TUBB8: variants seen among roughly 807,000 people sequenced by gnomAD.
TUBB8 encodes the protein tubulin beta 8 class VIII, also known as tubulin beta-8 chain.
A neutral mutation model predicts 33.7 loss-of-function variants in TUBB8; 25 were observed. The observed-to-expected ratio is 0.74, with a 90% CI of 0.54 to 1.04. The LOEUF (loss-of-function observed/expected upper bound fraction) is 1.04. Among genes scored for constraint, TUBB8 ranks in the 50% least tolerant of loss-of-function variants. The pLI is 0.00. For synonymous variants in TUBB8, 245 were observed against 240.1 expected (o/e 1.02, Z -0.19); for missense variants, 279 against 608.0 (o/e 0.46, Z 5.69).
chr10:69,509 G>A (rs775473192), intron 1 of TUBB8, among the ~76,000 whole-genome samples: 5 of 152,190 alleles, frequency 3.3e-5, no homozygotes, highest in African/African-American at 7.2e-5. Flanking sequence ...CCCGCAATTT[G>A]TAGATCAAGG....
intron 1 of TUBB8, among the ~76,000 whole-genome samples, chr10:71,008 C>T (rs1342738509): frequency 6.6e-6 from 1 of 151,892 alleles, no homozygotes; most frequent in African/African-American, 2.4e-5. Context: ...CTTAGAGATC[C>T]CCATCAAAAA....
chr10:65,990 G>C (rs1195145225), intron 1 of TUBB8, among the ~76,000 whole-genome samples: 1 of 152,128 alleles, frequency 6.6e-6, no homozygotes, highest in Admixed American at 6.5e-5. Context: ...AACAAACCAG[G>C]GATAGGAATT....
In TUBB8 at chr10:48,260, G is replaced by A. The variant is rs1195497007; in HGVS notation, c.278-146C>T. ...GGAGCAGATGAAACCCCCTCCCCCAGAGTTACAGGACAGCAGCTTCCCCTG... is the reference window on the plus strand; with the variant it reads ...GGAGCAGATGAAACCCCCTCCCCCAAAGTTACAGGACAGCAGCTTCCCCTG... On this transcript the variant is annotated intron_variant, in intron 3 of 3. Transcript: ENST00000568584. 6.3e-6 allele frequency: 6 copies of A among 955,214 alleles called. No homozygotes were observed. The East Asian group carries it at 1.3e-4, about 21-fold the overall frequency. The allele number at this position is 955,214 out of a possible 1,614,324, so 59.2% of individuals were successfully genotyped here. A position where few individuals can be genotyped will look rare whatever the true frequency, so the allele number is the denominator to read the frequency against.
chr10:56,562 G>A (rs138884061), intron 1 of TUBB8, among the ~76,000 whole-genome samples: 8 of 152,104 alleles, frequency 5.3e-5, no homozygotes, highest in East Asian at 1.9e-4. Context: ...TGCACATCAC[G>A]TGGTAAGTGC....
chr10:50,421 G>A (rs1232911684), upstream of TUBB8, among the ~76,000 whole-genome samples: 1 of 152,108 alleles, frequency 6.6e-6, no homozygotes, highest in African/African-American at 2.4e-5. Context: ...AGGGTATTCT[G>A]GCCCAGTTCT....
chr10:49,304 C>G, upstream of TUBB8: 2 of 1,514,404 alleles, frequency 1.3e-6, no homozygotes, highest in Non-Finnish European at 1.8e-6. Flanking sequence ...AGCGACCCAG[C>G]CCGCCCTCCG....
upstream of TUBB8, among the ~76,000 whole-genome samples, chr10:75,282 G>T (rs1405387666): frequency 6.6e-6 from 1 of 152,064 alleles, no homozygotes; most frequent in African/African-American, 2.4e-5. Context: ...CCAGGACACC[G>T]AGGCTGCAGT....
intron 1 of TUBB8, among the ~76,000 whole-genome samples, chr10:59,999 A>T (rs1554740662): frequency 6.6e-6 from 1 of 152,004 alleles, no homozygotes; most frequent in East Asian, 1.9e-4. Flanking sequence ...GATTTTATTA[A>T]TTTGTATCTT....
intron 1 of TUBB8, among the ~76,000 whole-genome samples, chr10:65,193 T>C (rs1488455867): frequency 6.6e-6 from 1 of 152,200 alleles, no homozygotes; most frequent in Admixed American, 6.5e-5. Context: ...ACAGGCACTC[T>C]CTTGCTAACC....
At chr10:72,865 A>AAC (rs1554742538) in intron 1 of TUBB8, among the ~76,000 whole-genome samples, 9 of 146,930 alleles carry the variant, frequency 6.1e-5, no homozygotes, top group Non-Finnish European at 1.0e-4. Context: ...AAAAAAAAAA[A>AAC]AAAAGCAAAA....
At chr10:48,427 T>G in intron 3 of TUBB8, 188 bp downstream of exon 3, 2 of 669,862 alleles carry the variant, frequency 3.0e-6, no homozygotes, top group Non-Finnish European at 2.7e-6. Context: ...CTCCTCACCT[T>G]GAGGAGACAC....
upstream of TUBB8, among the ~76,000 whole-genome samples, chr10:50,866 T>C (rs1834458877): frequency 6.6e-6 from 1 of 152,254 alleles, no homozygotes; most frequent in East Asian, 1.9e-4. Context: ...GTTTTCCTGA[T>C]GCATAAAACA....
Position 47,436 on chromosome 10 carries a change from C to A in TUBB8, c.956G>T (p.Gly319Val). Residue 319 changes from glycine to valine, a missense_variant, in exon 4 of 4, where the codon GGT becomes GTT. This residue lies in a region of TUBB8 where 123 missense variants were observed against 228.9 expected (regional missense o/e 0.54). Coordinates refer to ENST00000568584, the MANE Select transcript of TUBB8 (RefSeq NM_177987.3). ...RYLTAAAIFRGRMPMREVDEQ... is the reference protein window; with the variant it reads ...RYLTAAAIFRVRMPMREVDEQ... ...ATCCACCTCCCTCATGGGCATGCGA[C>A]CCCTGAAAATGGCAGCCGCCGTTAG... 1 of 1,612,136 alleles carries A rather than the reference C, an allele frequency of 6.2e-7. No individual in the cohort carries two copies. The highest frequency in any genetic ancestry group is 8.5e-7 in the Non-Finnish European group (1 of 1,179,978).
At chr10:53,864 C>T (rs1250496848), upstream of TUBB8, among the ~76,000 whole-genome samples, 1 of 152,306 alleles carries the variant, frequency 6.6e-6, no homozygotes, top group Non-Finnish European at 1.5e-5. Flanking sequence ...ACACCTGCCT[C>T]ATTAGACTCT....
Position 47,295 on chromosome 10 carries a change from G to A in TUBB8, c.1097C>T (p.Thr366Ile). The A allele has an allele frequency of 6.2e-7, 1 of 1,613,778 alleles. No individual in the cohort carries two copies. The highest frequency in any genetic ancestry group is 1.3e-5 in the African/African-American group (1 of 75,026). Residue 366 changes from threonine (T) to isoleucine (I), a missense_variant, in exon 4 of 4, where the codon ACC becomes ATC. Thr to Ile is a moderately conservative substitution (Grantham distance 89). Coordinates refer to ENST00000568584, the MANE Select transcript of TUBB8 (RefSeq NM_177987.3). ...IPPRGLKMSA[T>I]FIGNNTAIQE... is the part of the protein sequence containing the mutation. ...GATGGCCGTATTATTCCCAATGAAG[G>A]TGGCTGACATTTTTAGCCCCCGGGG...
intron 1 of TUBB8, among the ~76,000 whole-genome samples, chr10:55,006 G>A (rs1434960014): frequency 5.3e-5 from 8 of 152,124 alleles, no homozygotes; most frequent in African/African-American, 1.7e-4. Context: ...TCCACCCACC[G>A]CTGCCTCCCA....
upstream of TUBB8, among the ~76,000 whole-genome samples, chr10:51,895 A>G (rs1166640432): frequency 1.1e-4 from 16 of 151,230 alleles, no homozygotes; most frequent in South Asian, 4.2e-4. Context: ...GAGGATCGCT[A>G]AGGAAAGTAA....
chr10:48,438 CA>C, intron 3 of TUBB8, 176 bp downstream of exon 3: 1 of 688,546 alleles, frequency 1.5e-6, no homozygotes, highest in Non-Finnish European at 2.6e-6. Flanking sequence ...GAGGAGACAC[CA>C]GGGCCTTCCT....
chr10:66,669 T>C (rs189207609), intron 1 of TUBB8, among the ~76,000 whole-genome samples: 1 of 152,078 alleles, frequency 6.6e-6, no homozygotes, highest in South Asian at 2.1e-4. Context: ...GAAAAAGAAA[T>C]TACATTTTTA....
Sources: gnomAD v4.1 joint callset for allele counts (sites outside exome capture counted in the v4.1 genomes callset) on GRCh38, gnomAD v4.1.1 for gene constraint, gnomAD v4.1.1 regional missense constraint, MANE v1.5 for transcripts, NCBI Gene and HGNC (gene_info 2026-07-23, HGNC 2026-07-21) for gene names.